The following EXTL3 variants were observed in gnomAD, a reference collection of about 807,000 sequenced individuals.
The protein encoded by EXTL3 is exostosin like glycosyltransferase 3, also known as exostosin-like 3.
A neutral mutation model predicts 69.3 loss-of-function variants in EXTL3; 27 were observed. That is an observed-to-expected ratio of 0.39 (90% CI 0.29 to 0.54). The LOEUF (loss-of-function observed/expected upper bound fraction) is 0.54, where lower values mean the gene tolerates loss of function less well. EXTL3 is among the 20% of genes least tolerant of loss of function. The pLI, the probability that EXTL3 is intolerant of heterozygous loss-of-function variation, is 0.69. For missense variants in EXTL3, 1,003 were observed against 1,231.8 expected (o/e 0.81, Z 2.78); for synonymous variants, 511 against 499.4 (o/e 1.02, Z -0.31).
chr8:28,713,533 A>C lies in EXTL3; in HGVS notation c.-493A>C, dbSNP rs1295554866. The C allele has an allele frequency of 5.7e-6, 4 of 702,448 alleles. No homozygotes were observed. Among genetic ancestry groups the C allele is most frequent in the Middle Eastern group, 2.3e-4 (1 of 4,370 alleles). The allele number at this position is 702,448 out of a possible 1,614,324, so 43.5% of individuals were successfully genotyped here. On this transcript the variant is annotated 5_prime_UTR_variant, in exon 2 of 7. Coordinates refer to ENST00000220562, the MANE Select transcript of EXTL3 (RefSeq NM_001440.4). ...AATGCTACACAAGTCAGAGGAAGGAAGGGTCCTGAAACACATGGTGAGGAA... is the reference window on the plus strand; with the variant it reads ...AATGCTACACAAGTCAGAGGAAGGACGGGTCCTGAAACACATGGTGAGGAA...
At chr8:28,685,241 TGCCCAGCCA>T (rs1045758893) in intron 1 of EXTL3, among the ~76,000 whole-genome samples, 4 of 152,140 alleles carry the variant, frequency 2.6e-5, no homozygotes, top group Non-Finnish European at 5.9e-5. Flanking sequence ...TGAGCCACCA[TGCCCAGCCA>T]AGTAATGTAT....
intron 4 of EXTL3, among the ~76,000 whole-genome samples, chr8:28,737,123 T>A (rs111254727): frequency 6.6e-6 from 1 of 152,238 alleles, no homozygotes; most frequent in Non-Finnish European, 1.5e-5. Context: ...TCTTGGAAAT[T>A]AAATAAGCTA....
At chr8:28,689,643 A>G (rs1411319194) in intron 1 of EXTL3, among the ~76,000 whole-genome samples, 1 of 152,246 alleles carries the variant, frequency 6.6e-6, no homozygotes, top group African/African-American at 2.4e-5. Context: ...CAAAGAGTTC[A>G]TATCTGTTGT....
At chr8:28,694,941 G>A (rs1800662967) in intron 1 of EXTL3, among the ~76,000 whole-genome samples, 1 of 151,950 alleles carries the variant, frequency 6.6e-6, no homozygotes, top group South Asian at 2.1e-4. Context: ...GAACCCAGGA[G>A]GCAGAGGTTG....
At chr8:28,705,074 G>A (rs559508957) in intron 1 of EXTL3, among the ~76,000 whole-genome samples, 7 of 152,332 alleles carry the variant, frequency 4.6e-5, no homozygotes, top group African/African-American at 9.6e-5. Flanking sequence ...GGGCCTTAAA[G>A]CCTTATGCCT....
upstream of EXTL3, among the ~76,000 whole-genome samples, chr8:28,620,335 GCTAA>G (rs763599125): frequency 5.8e-4 from 89 of 152,160 alleles, no homozygotes; most frequent in Non-Finnish European, 4.4e-4. Context: ...CTGTGGTCAG[GCTAA>G]CTGAGAGAGG....
In EXTL3 at chr8:28,751,071, G is replaced by A. The variant is rs1254409094; in HGVS notation, c.*205G>A. On this transcript the variant is annotated 3_prime_UTR_variant, in exon 7 of 7. Transcript: ENST00000220562. ...GCCTGGAGCCCTGGGCGGAGTCCCC[G>A]GGGTTCCCCACACAGGGCACTGACT... is the stretch of plus-strand genomic sequence containing the variant. 7 of 591,376 alleles carry A rather than the reference G, an allele frequency of 1.2e-5. No individual in the cohort carries two copies. Among genetic ancestry groups the A allele is most frequent in the South Asian group, 6.0e-5 (3 of 50,330 alleles). 36.6% of individuals were successfully genotyped at this position (591,376 alleles called of 1,614,324 possible).
chr8:28,671,309 GTT>G (rs749395423), intron 1 of EXTL3, among the ~76,000 whole-genome samples: 25 of 89,630 alleles, frequency 2.8e-4, no homozygotes, highest in African/African-American at 7.0e-4. Context: ...TTTGTTTTTT[GTT>G]TTTTTTTTTT....
At chr8:28,749,854 C>T (rs1439021461) in intron 6 of EXTL3, among the ~76,000 whole-genome samples, 2 of 152,150 alleles carry the variant, frequency 1.3e-5, no homozygotes, top group Non-Finnish European at 2.9e-5. Flanking sequence ...CTGCCACACG[C>T]AGCTAATATT....
downstream of EXTL3, among the ~76,000 whole-genome samples, chr8:28,756,195 T>TATGGAACA (rs1292801985): frequency 6.6e-6 from 1 of 152,244 alleles, no homozygotes; most frequent in Non-Finnish European, 1.5e-5. Flanking sequence ...CCTCTCAATA[T>TATGGAACA]ATGGAACACT....
At chr8:28,695,298 T>C (rs1325147253) in intron 1 of EXTL3, among the ~76,000 whole-genome samples, 1 of 151,924 alleles carries the variant, frequency 6.6e-6, no homozygotes, top group Non-Finnish European at 1.5e-5. Context: ...CCGGCTAATT[T>C]TTGTATTTTT....
chr8:28,642,355 A>G (rs1454522509), intron 1 of EXTL3, among the ~76,000 whole-genome samples: 1 of 151,726 alleles, frequency 6.6e-6, no homozygotes, highest in Non-Finnish European at 1.5e-5. Flanking sequence ...CTGAGGCAGG[A>G]CAATCACTTG....
chr8:28,666,225 T>G (rs1026314361), intron 1 of EXTL3, among the ~76,000 whole-genome samples: 1 of 152,074 alleles, frequency 6.6e-6, no homozygotes, highest in East Asian at 1.9e-4. Flanking sequence ...CTCCGGAAGG[T>G]TCTTTCTTGC....
intron 2 of EXTL3, among the ~76,000 whole-genome samples, chr8:28,611,040 C>T (rs1806265729): frequency 6.6e-6 from 1 of 152,152 alleles, no homozygotes; most frequent in Admixed American, 6.5e-5. Context: ...ACTGCACCCC[C>T]TACATCTGTT....
At chr8:28,657,020 C>T (rs1438880458) in intron 1 of EXTL3, among the ~76,000 whole-genome samples, 1 of 151,968 alleles carries the variant, frequency 6.6e-6, no homozygotes, top group Non-Finnish European at 1.5e-5. Flanking sequence ...GCAGCCTCTG[C>T]CTCTGGGTTC....
intron 1 of EXTL3, among the ~76,000 whole-genome samples, chr8:28,625,308 ATC>A (rs1339396198): frequency 6.6e-6 from 1 of 152,240 alleles, no homozygotes; most frequent in East Asian, 1.9e-4. Flanking sequence ...AAACAGAAAC[ATC>A]TCTCAGAAGA....
chr8:28,713,466 C>T lies in EXTL3; in HGVS notation c.-560C>T, dbSNP rs183465806. ...TTTTTTTTTAAATCAGGAGAGCAAG[C>T]CCTGGAGGTTCACTCTTTCAAGAAG... On this transcript the variant is annotated 5_prime_UTR_variant, in exon 2 of 7. Transcript: ENST00000220562. The T allele has an allele frequency of 8.9e-5, 62 of 694,446 alleles. No homozygotes were observed. Among genetic ancestry groups the T allele is most frequent in the Middle Eastern group, 2.3e-4 (1 of 4,334 alleles). The allele number at this position is 694,446 out of a possible 1,614,324, so 43.0% of individuals were successfully genotyped here. A position where few individuals can be genotyped will look rare whatever the true frequency, so the allele number is the denominator to read the frequency against.
At chr8:28,666,656 A>G (rs1463476437) in intron 1 of EXTL3, among the ~76,000 whole-genome samples, 1 of 150,730 alleles carries the variant, frequency 6.6e-6, no homozygotes, top group Non-Finnish European at 1.5e-5. Flanking sequence ...GCTCACTACA[A>G]CCCCCGCCTC....
At chr8:28,726,607 G>C (rs1801417370) in intron 3 of EXTL3, among the ~76,000 whole-genome samples, 1 of 152,088 alleles carries the variant, frequency 6.6e-6, no homozygotes, top group Non-Finnish European at 1.5e-5. Flanking sequence ...TGTTGTGGGG[G>C]CTGTCTTGTG....
Sources: allele counts gnomAD v4.1 joint callset (sites outside exome capture counted in the v4.1 genomes callset), GRCh38; gene constraint gnomAD v4.1.1; transcripts MANE v1.5; gene names NCBI Gene and HGNC (gene_info 2026-07-23, HGNC 2026-07-21).